The following DIAPH2 variants were observed in gnomAD, a reference collection of about 807,000 sequenced individuals.
The protein encoded by DIAPH2 is protein diaphanous homolog 2.
A neutral mutation model predicts 92.7 loss-of-function variants in DIAPH2; 35 were observed. The ratio of observed to expected loss-of-function variants is 0.38; its 90% CI spans 0.29 to 0.50. The LOEUF is 0.50. Among genes scored for constraint, DIAPH2 ranks in the 20% least tolerant of loss-of-function variants. The probability of loss-of-function intolerance (pLI) is 0.94; values close to 1 mark genes in which losing one functional copy is unlikely to be tolerated. For synonymous variants in DIAPH2, 301 were observed against 280.4 expected (o/e 1.07, Z -0.73); for missense variants, 701 against 819.5 (o/e 0.86, Z 1.77).
chrX:97,282,644 A>C lies in DIAPH2; in HGVS notation c.2844+34805A>C, dbSNP rs180954391. 6.2e-3 allele frequency among the ~76,000 whole-genome samples: 690 copies of C among 111,954 alleles called. 6 individuals carry two copies. Among genetic ancestry groups the C allele is most frequent in the Non-Finnish European group, 9.7e-3 (515 of 53,237 alleles). On this transcript the variant is annotated intron_variant, in intron 23 of 26. Coordinates refer to ENST00000324765, the MANE Select transcript of DIAPH2 (RefSeq NM_006729.5). ...TTTTTAAAGAATGTATCCAAATAAC[A>C]GACAATTGAATTAAGAAAAGCACAT...
chrX:96,775,440 AT>A (rs2064371289), intron 4 of DIAPH2, among the ~76,000 whole-genome samples: 1 of 97,537 alleles, frequency 1.0e-5, no homozygotes, highest in Non-Finnish European at 2.1e-5. Context: ...GGTGATTGTT[AT>A]TTTTTTGTTA....
chrX:97,356,808 C>G (rs1393549439), intron 24 of DIAPH2, among the ~76,000 whole-genome samples: 2 of 110,740 alleles, frequency 1.8e-5, no homozygotes, highest in African/African-American at 6.6e-5. Context: ...AAAAAAATAC[C>G]TACTAGTATG....
At chrX:96,863,749 T>C (rs1216217298) in intron 4 of DIAPH2, among the ~76,000 whole-genome samples, 1 of 111,570 alleles carries the variant, frequency 9.0e-6, no homozygotes, top group Non-Finnish European at 1.9e-5. Context: ...GAGTCAAAGA[T>C]GTATTTCCAC....
chrX:97,176,322 T>C (rs960177258), intron 22 of DIAPH2, among the ~76,000 whole-genome samples: 1 of 111,765 alleles, frequency 8.9e-6, no homozygotes, highest in Non-Finnish European at 1.9e-5. Flanking sequence ...TTACTCTTTC[T>C]CTTATGCCCT....
intron 21 of DIAPH2, among the ~76,000 whole-genome samples, chrX:97,130,181 A>G (rs2067128824): frequency 8.9e-6 from 1 of 112,393 alleles, no homozygotes; most frequent in African/African-American, 3.2e-5. Flanking sequence ...GGTGCAGCCA[A>G]TGTAGGAAAT....
chrX:97,352,685 C>T (rs1406860139), intron 24 of DIAPH2, among the ~76,000 whole-genome samples: 5 of 106,925 alleles, frequency 4.7e-5, no homozygotes, highest in African/African-American at 6.7e-5. Flanking sequence ...CTGGCTAACA[C>T]GGTGAAACCC....
intron 16 of DIAPH2, among the ~76,000 whole-genome samples, chrX:96,962,982 C>T (rs5920990): frequency 0.039 from 4,368 of 111,290 alleles, 101 homozygotes; most frequent in Middle Eastern, 0.083. Flanking sequence ...CTCTTTCAGA[C>T]ACGTAGGACT....
chrX:97,376,899 G>A (rs1274836167), intron 24 of DIAPH2, among the ~76,000 whole-genome samples: 1 of 111,637 alleles, frequency 9.0e-6, no homozygotes, highest in East Asian at 2.8e-4. Context: ...GTAACACATT[G>A]GTAAGTATTT....
intron 4 of DIAPH2, among the ~76,000 whole-genome samples, chrX:96,802,721 G>C (rs909335863): frequency 9.0e-6 from 1 of 111,368 alleles, no homozygotes; most frequent in African/African-American, 3.3e-5. Context: ...TACATGAAGG[G>C]GAGTTTATTA....
At chrX:97,447,920 T>C (rs2070326682) in intron 26 of DIAPH2, among the ~76,000 whole-genome samples, 1 of 112,293 alleles carries the variant, frequency 8.9e-6, no homozygotes, top group Non-Finnish European at 1.9e-5. Context: ...TGTCATTTTA[T>C]TTGTTTTCAA....
At position 97,122,441 on chromosome X, in the gene DIAPH2, G is replaced by C. The variant is rs1294631772; in HGVS notation, c.2589+7476G>C. Among the ~76,000 whole-genome samples, 5 of 111,570 alleles carry C rather than the reference G, an allele frequency of 4.5e-5. No homozygotes were observed. In the Admixed American group the frequency reaches 4.8e-4, roughly 11 times the overall value. ...CTGCTGTTTTCAATATTTTACAAAT[G>C]AGGATCTGCTCTCCAGAGAGATGAT... On this transcript the variant is annotated intron_variant, in intron 21 of 26. Coordinates refer to ENST00000324765, the MANE Select transcript of DIAPH2 (RefSeq NM_006729.5).
chrX:97,147,983 A>C (rs1359011107), intron 22 of DIAPH2, among the ~76,000 whole-genome samples: 1 of 111,536 alleles, frequency 9.0e-6, no homozygotes, highest in African/African-American at 3.3e-5. Context: ...AAAGTAAAAT[A>C]ATAGCAAAGT....
intron 26 of DIAPH2, among the ~76,000 whole-genome samples, chrX:97,436,021 G>A (rs1318064955): frequency 4.5e-5 from 5 of 110,414 alleles, no homozygotes. Flanking sequence ...TAGCCAGGAT[G>A]GTCTCAATCT....
chrX:97,409,770 T>A (rs1197943013), intron 25 of DIAPH2, among the ~76,000 whole-genome samples: 2 of 112,357 alleles, frequency 1.8e-5, no homozygotes, highest in Non-Finnish European at 3.8e-5. Context: ...TGCTTACTGC[T>A]AGCACAGCAG....
chrX:96,987,554 A>G (rs2066040800), intron 17 of DIAPH2, among the ~76,000 whole-genome samples: 1 of 111,189 alleles, frequency 9.0e-6, no homozygotes, highest in Non-Finnish European at 1.9e-5. Context: ...ACTCAAGATA[A>G]CTATTTCTTC....
chrX:96,960,404 C>A (rs1005805935), intron 16 of DIAPH2, among the ~76,000 whole-genome samples: 4 of 109,337 alleles, frequency 3.7e-5, no homozygotes, highest in Non-Finnish European at 5.7e-5. Context: ...TTTTTTCCAG[C>A]AAGTTTATTG....
In DIAPH2 at chrX:97,561,377, T is replaced by C. The variant is rs149579194; in HGVS notation, c.3242-37876T>C. ...TAAAAATGCAACTCAACAACAGTAG[T>C]CTACTGACAAACAGGTGACTGCTGC... On this transcript the variant is annotated intron_variant, in intron 26 of 26. Coordinates refer to ENST00000324765, the MANE Select transcript of DIAPH2 (RefSeq NM_006729.5). Among the ~76,000 whole-genome samples the C allele has an allele frequency of 2.7e-5, 3 of 112,533 alleles. No individual in the cohort carries two copies. In the East Asian group the frequency reaches 8.3e-4, roughly 31 times the overall value.
chrX:97,357,805 A>G (rs950665788), intron 24 of DIAPH2, among the ~76,000 whole-genome samples: 5 of 112,206 alleles, frequency 4.5e-5, no homozygotes, highest in African/African-American at 1.6e-4. Context: ...GTAATGAAAT[A>G]TAATACATAT....
chrX:96,725,675 G>A (rs1170317109), intron 1 of DIAPH2, among the ~76,000 whole-genome samples: 1 of 111,727 alleles, frequency 9.0e-6, no homozygotes, highest in Non-Finnish European at 1.9e-5. Flanking sequence ...TTGAGACATG[G>A]CCCATTCCTG....
Sources: allele counts gnomAD v4.1 joint callset (sites outside exome capture counted in the v4.1 genomes callset), GRCh38; gene constraint gnomAD v4.1.1; transcripts MANE v1.5; gene names NCBI Gene and HGNC (gene_info 2026-07-23, HGNC 2026-07-21).